NCOA1: variants seen among roughly 807,000 people sequenced by gnomAD.
The protein encoded by NCOA1 is Hin-2 protein.
Under a neutral mutation model 150.9 loss-of-function variants are expected in NCOA1, and 35 were observed. The observed-to-expected ratio is 0.23, with a 90% CI of 0.18 to 0.31. The LOEUF (loss-of-function observed/expected upper bound fraction) is 0.31. Ranked by LOEUF, NCOA1 falls within the 10% of genes least tolerant of loss-of-function variation. The probability of loss-of-function intolerance (pLI) is 1.00; values close to 1 mark genes in which losing one functional copy is unlikely to be tolerated. For missense variants in NCOA1, 1,491 were observed against 1,749.3 expected (o/e 0.85, Z 2.63); for synonymous variants, 590 against 630.0 (o/e 0.94, Z 0.95).
chr2:24,769,933 G>A lies in NCOA1; in HGVS notation c.*1542G>A, dbSNP rs1364640971. On this transcript the variant is annotated 3_prime_UTR_variant, in exon 23 of 23. Transcript: ENST00000348332. ...CCTCTGCCTCCATGGCAGAGAAAAG[G>A]CCATAAGAACAGTGGAAGAGGAGCA... The A allele has an allele frequency of 4.4e-6, 1 of 227,134 alleles. No homozygotes were observed. The highest frequency in any genetic ancestry group is 8.8e-6 in the Non-Finnish European group (1 of 114,066). The allele number at this position is 227,134 out of a possible 1,614,324, so 14.1% of individuals were successfully genotyped here. A position where few individuals can be genotyped will look rare whatever the true frequency, so the allele number is the denominator to read the frequency against.
At chr2:24,632,747 T>C (rs1360629621) in intron 3 of NCOA1, among the ~76,000 whole-genome samples, 41 of 152,214 alleles carry the variant, frequency 2.7e-4, no homozygotes, top group Admixed American at 2.7e-3. Flanking sequence ...GTTTGTTTCT[T>C]ATAGGGGTAT....
At chr2:24,592,511 T>C (rs916563347) in intron 3 of NCOA1, among the ~76,000 whole-genome samples, 1 of 152,024 alleles carries the variant, frequency 6.6e-6, no homozygotes, top group East Asian at 1.9e-4. Flanking sequence ...CTACTCCTTG[T>C]TGCTGTAGCT....
At chr2:24,644,864 A>G (rs1035253601) in intron 4 of NCOA1, among the ~76,000 whole-genome samples, 3 of 152,228 alleles carry the variant, frequency 2.0e-5, no homozygotes, top group Non-Finnish European at 4.4e-5. Flanking sequence ...TTGTGTAAAC[A>G]TCGCCTGGGT....
intron 20 of NCOA1, 85 bp from the exon 21 acceptor site, chr2:24,757,888 A>G (rs2148690641): frequency 2.3e-6 from 3 of 1,303,112 alleles, no homozygotes; most frequent in African/African-American, 1.5e-5. Flanking sequence ...AGGATGTAAC[A>G]TATTTTATTT....
At chr2:24,712,859 A>C (rs1163779112) in intron 14 of NCOA1, among the ~76,000 whole-genome samples, 1 of 152,158 alleles carries the variant, frequency 6.6e-6, no homozygotes, top group African/African-American at 2.4e-5. Context: ...ATGCTCCCAG[A>C]AAGACAAATG....
chr2:24,679,083 C>G (rs774460411), intron 7 of NCOA1, among the ~76,000 whole-genome samples: 5 of 152,182 alleles, frequency 3.3e-5, no homozygotes, highest in Non-Finnish European at 7.3e-5. Flanking sequence ...AAGCCAGGGC[C>G]CTGTGAGAAG....
intron 5 of NCOA1, among the ~76,000 whole-genome samples, chr2:24,659,571 T>C (rs187667156): frequency 6.6e-6 from 1 of 152,322 alleles, no homozygotes; most frequent in East Asian, 1.9e-4. Flanking sequence ...TTGAAAAATA[T>C]GTTTTTCTGC....
chr2:24,648,636 G>A (rs767050516), intron 4 of NCOA1, among the ~76,000 whole-genome samples: 36 of 152,090 alleles, frequency 2.4e-4, no homozygotes, highest in Non-Finnish European at 3.7e-4. Context: ...GAAGTTAACC[G>A]GAGGTTTGTC....
intron 17 of NCOA1, among the ~76,000 whole-genome samples, chr2:24,734,854 T>C (rs1558325330): frequency 6.6e-6 from 1 of 152,124 alleles, no homozygotes; most frequent in African/African-American, 2.4e-5. Flanking sequence ...TAAATAGTTC[T>C]ACCATAATAG....
intron 1 of NCOA1, among the ~76,000 whole-genome samples, chr2:24,516,977 C>CGTGTAT (rs143605372): frequency 2.8e-3 from 164 of 58,928 alleles, no homozygotes; most frequent in African/African-American, 7.3e-3. Flanking sequence ...TATATATACA[C>CGTGTAT]ATATACGTAT....
At chr2:24,609,060 T>G (rs1361045650) in intron 3 of NCOA1, among the ~76,000 whole-genome samples, 1 of 152,192 alleles carries the variant, frequency 6.6e-6, no homozygotes, top group Non-Finnish European at 1.5e-5. Context: ...CACTGTAAAG[T>G]CATTATTTTT....
chr2:24,730,871 CAA>C (rs35975198), intron 17 of NCOA1, among the ~76,000 whole-genome samples: 9,205 of 61,646 alleles, frequency 0.15, 230 homozygotes, highest in South Asian at 0.22. Flanking sequence ...ACTAAAAGTA[CAA>C]AAAAAAAAAA....
At chr2:24,568,723 T>A (rs1666609847) in intron 2 of NCOA1, among the ~76,000 whole-genome samples, 1 of 152,214 alleles carries the variant, frequency 6.6e-6, no homozygotes, top group African/African-American at 2.4e-5. Context: ...ATAGCAAATA[T>A]TATGCTTGCA....
intron 19 of NCOA1, among the ~76,000 whole-genome samples, chr2:24,745,698 A>C (rs567045041): frequency 6.6e-6 from 1 of 152,250 alleles, no homozygotes; most frequent in South Asian, 2.1e-4. Context: ...CTCTCAGCTC[A>C]TATGTACAGC....
chr2:24,626,044 T>G (rs1274148380), intron 3 of NCOA1, among the ~76,000 whole-genome samples: 1 of 152,230 alleles, frequency 6.6e-6, no homozygotes. Context: ...CTACCATGTC[T>G]TTATTGATTT....
intron 1 of NCOA1, among the ~76,000 whole-genome samples, chr2:24,504,529 T>C (rs975900441): frequency 2.0e-5 from 3 of 152,230 alleles, no homozygotes; most frequent in Admixed American, 6.5e-5. Context: ...TAGACCCTGC[T>C]TGGAGTTATT....
chr2:24,503,192 C>T (rs1663539260), intron 1 of NCOA1, among the ~76,000 whole-genome samples: 1 of 152,114 alleles, frequency 6.6e-6, no homozygotes, highest in Non-Finnish European at 1.5e-5. Flanking sequence ...TGACTAGTTT[C>T]AGGGTATTTA....
rs869113477 is a variant in NCOA1, at chr2:24,614,199, C to CTTTTT, written c.-175+29667_-175+29671dup. On this transcript the variant is annotated intron_variant, in intron 3 of 22. Transcript: ENST00000348332. ...CCTATTGTATCGATTCATTTCCATT[C>CTTTTT]TTTTTTTTTTTTTTTTTTTTTTTTT... is the stretch of plus-strand genomic sequence containing the variant. 8.5e-3 allele frequency among the ~76,000 whole-genome samples: 78 copies of CTTTTT among 9,172 alleles called. 9 individuals are homozygous for CTTTTT. Among genetic ancestry groups the CTTTTT allele is most frequent in the Non-Finnish European group, 0.01 (51 of 5,030 alleles). The allele number at this position is 9,172 out of a possible 152,430, so 6.0% of individuals were successfully genotyped here.
At chr2:24,501,203 A>G (rs1290250588) in intron 1 of NCOA1, among the ~76,000 whole-genome samples, 2 of 152,240 alleles carry the variant, frequency 1.3e-5, no homozygotes, top group African/African-American at 2.4e-5. Flanking sequence ...TGTTTTATTC[A>G]GTGCACCCAG....
Sources: allele counts gnomAD v4.1 joint callset (sites outside exome capture counted in the v4.1 genomes callset), GRCh38; gene constraint gnomAD v4.1.1; transcripts MANE v1.5; gene names NCBI Gene and HGNC (gene_info 2026-07-23, HGNC 2026-07-21).